KSR2: variants seen among roughly 807,000 people sequenced by gnomAD.
KSR2 encodes kinase suppressor of ras 2.
KSR2 carries 25 observed loss-of-function variants against 107.8 expected under a neutral mutation model. The observed-to-expected ratio is 0.23, with a 90% CI of 0.17 to 0.32. The LOEUF (loss-of-function observed/expected upper bound fraction) is 0.32. Ranked by LOEUF, KSR2 falls within the 10% of genes least tolerant of loss-of-function variation. The probability of loss-of-function intolerance (pLI) is 1.00; values close to 1 mark genes in which losing one functional copy is unlikely to be tolerated. For missense variants in KSR2, 887 were observed against 1,268.9 expected, an observed-to-expected ratio of 0.70 and a Z score of 4.57; for synonymous variants, 480 against 507.0, an observed-to-expected ratio of 0.95 and a Z score of 0.71.
At chr12:117,551,039 T>A (rs145592650) in intron 9 of KSR2, among the ~76,000 whole-genome samples, 1 of 152,210 alleles carries the variant, frequency 6.6e-6, no homozygotes, top group Non-Finnish European at 1.5e-5. Context: ...CAAACCAGCA[T>A]GCAGCCACTT....
At chr12:117,949,497 G>A (rs1896296719) in intron 1 of KSR2, among the ~76,000 whole-genome samples, 1 of 152,190 alleles carries the variant, frequency 6.6e-6, no homozygotes, top group African/African-American at 2.4e-5. Flanking sequence ...TAGATCAGTG[G>A]TTGCCAGGGG....
At chr12:117,871,220 C>G (rs1412332339) in intron 1 of KSR2, among the ~76,000 whole-genome samples, 3 of 152,136 alleles carry the variant, frequency 2.0e-5, no homozygotes, top group African/African-American at 7.2e-5. Flanking sequence ...ATAACTTGCC[C>G]AAGGTCATCA....
intron 3 of KSR2, among the ~76,000 whole-genome samples, chr12:117,799,116 T>A (rs1473705825): frequency 6.6e-6 from 1 of 152,208 alleles, no homozygotes; most frequent in Non-Finnish European, 1.5e-5. Context: ...CAGAGCTCTA[T>A]TTGGTGTGAT....
At chr12:117,631,626 T>C (rs1235235444) in intron 5 of KSR2, among the ~76,000 whole-genome samples, 1 of 152,224 alleles carries the variant, frequency 6.6e-6, no homozygotes, top group Non-Finnish European at 1.5e-5. Flanking sequence ...TATAGCTAGA[T>C]AATCTTTAGT....
chr12:117,875,874 C>A (rs1893832018), intron 1 of KSR2, among the ~76,000 whole-genome samples: 1 of 152,188 alleles, frequency 6.6e-6, no homozygotes, highest in Non-Finnish European at 1.5e-5. Flanking sequence ...ACCACCACCA[C>A]ACACCCATCA....
chr12:117,968,584 G>T lies in KSR2; in HGVS notation c.-329C>A. ...TGATGCTGTCTGTACACTTAGGGAG[G>T]AGGAGGAGGAGGAAAAAGAAGAGGA... On this transcript the variant is annotated 5_prime_UTR_variant, in exon 1 of 20. Coordinates refer to ENST00000339824, the MANE Select transcript of KSR2 (RefSeq NM_173598.6). The T allele has an allele frequency of 1.5e-6, 1 of 648,086 alleles. No homozygotes were observed. The highest frequency in any genetic ancestry group is 2.0e-6 in the Non-Finnish European group (1 of 488,928). The allele number at this position is 648,086 out of a possible 1,614,324, so 40.1% of individuals were successfully genotyped here.
intron 1 of KSR2, among the ~76,000 whole-genome samples, chr12:117,863,356 C>G (rs530250636): frequency 6.6e-6 from 1 of 152,176 alleles, no homozygotes. Flanking sequence ...CTGGAAGCCT[C>G]CTGACACTGA....
intron 14 of KSR2, among the ~76,000 whole-genome samples, chr12:117,519,818 G>A (rs1874629269): frequency 6.6e-6 from 1 of 152,012 alleles, no homozygotes; most frequent in Non-Finnish European, 1.5e-5. Flanking sequence ...GTGCATGGTT[G>A]TGCTGGTGCC....
At chr12:117,784,356 G>A (rs1889988644) in intron 3 of KSR2, among the ~76,000 whole-genome samples, 2 of 152,202 alleles carry the variant, frequency 1.3e-5, no homozygotes, top group African/African-American at 4.8e-5. Context: ...CTGCCACCAT[G>A]TAAGACGTCC....
chr12:117,568,365 G>A (rs1878665936), intron 7 of KSR2, among the ~76,000 whole-genome samples: 2 of 152,150 alleles, frequency 1.3e-5, no homozygotes, highest in Admixed American at 1.3e-4. Context: ...GGTCCAGGTT[G>A]GAATTGAGAC....
At chr12:117,770,311 A>G (rs1889392246) in intron 3 of KSR2, among the ~76,000 whole-genome samples, 1 of 152,150 alleles carries the variant, frequency 6.6e-6, no homozygotes, top group Non-Finnish European at 1.5e-5. Context: ...TCATGTGAAG[A>G]CAGAGGCAGG....
intron 3 of KSR2, among the ~76,000 whole-genome samples, chr12:117,801,089 AT>A (rs528210360): frequency 5.4e-4 from 82 of 152,150 alleles, no homozygotes; most frequent in African/African-American, 1.8e-3. Flanking sequence ...TACTAGAATG[AT>A]TTATAATCCT....
chr12:117,667,645 T>C lies in KSR2; in HGVS notation c.1000A>G (p.Ser334Gly). 2 of 1,585,704 alleles carry C rather than the reference T, an allele frequency of 1.3e-6. No individual in the cohort carries two copies. Among genetic ancestry groups the C allele is most frequent in the African/African-American group, 1.4e-5 (1 of 73,728 alleles). Reference protein sequence around the residue: ...EAHTPKAKKKSKPLNLKIHSS... With the variant: ...EAHTPKAKKKGKPLNLKIHSS... The stretch of plus-strand genomic sequence containing the variant: ...TGGATCTTGAGGTTCAAGGGTTTGC[T>C]CTTCTTCTTGGCTCTGAAAGGGAGA... The change falls in exon 5 of 20, where the codon AGC becomes GGC. Residue 334 changes from serine to glycine, a missense_variant. Ser to Gly is a moderately conservative substitution (Grantham distance 56, BLOSUM62 0). Transcript: ENST00000339824.
At chr12:117,802,163 T>C (rs116039491) in intron 3 of KSR2, among the ~76,000 whole-genome samples, 4,606 of 152,124 alleles carry the variant, frequency 0.03, 208 homozygotes, top group African/African-American at 0.098. Context: ...TCTGTTTCCT[T>C]GTCTTTTCCA....
At chr12:117,892,904 T>C (rs1181091771) in intron 1 of KSR2, among the ~76,000 whole-genome samples, 1 of 151,732 alleles carries the variant, frequency 6.6e-6, no homozygotes, top group African/African-American at 2.4e-5. Context: ...CCCTGTCCCA[T>C]GTCCTAATCA....
At chr12:117,512,948 CA>C (rs1176705163) in intron 14 of KSR2, among the ~76,000 whole-genome samples, 1 of 152,118 alleles carries the variant, frequency 6.6e-6, no homozygotes, top group Non-Finnish European at 1.5e-5. Context: ...ACAAAAAAAG[CA>C]AACACTAAAT....
intron 5 of KSR2, among the ~76,000 whole-genome samples, chr12:117,590,505 T>C (rs1403899151): frequency 6.6e-6 from 1 of 152,096 alleles, no homozygotes; most frequent in Non-Finnish European, 1.5e-5. Flanking sequence ...TTAAGTGGGG[T>C]GATATAATTG....
At chr12:117,825,211 A>G (rs1891697984) in intron 3 of KSR2, among the ~76,000 whole-genome samples, 1 of 152,140 alleles carries the variant, frequency 6.6e-6, no homozygotes, top group South Asian at 2.1e-4. Flanking sequence ...CCTGACACAT[A>G]TTAGGTTGTC....
chr12:117,731,025 GCA>G (rs1263756884), intron 4 of KSR2, among the ~76,000 whole-genome samples: 1 of 151,250 alleles, frequency 6.6e-6, no homozygotes, highest in Non-Finnish European at 1.5e-5. Flanking sequence ...GAAGTGAGGA[GCA>G]CCTCTTCCCG....
Sources: allele counts gnomAD v4.1 joint callset (sites outside exome capture counted in the v4.1 genomes callset), GRCh38; gene constraint gnomAD v4.1.1; transcripts MANE v1.5; gene names NCBI Gene and HGNC (gene_info 2026-07-23, HGNC 2026-07-21).